SLC22A17: variants seen among roughly 807,000 people sequenced by gnomAD.
The protein encoded by SLC22A17 is solute carrier family 22 member 17.
In SLC22A17, 38 loss-of-function variants were observed where a neutral mutation model predicts 53.6. That is an observed-to-expected ratio of 0.71 (90% confidence interval 0.55 to 0.93). The LOEUF is 0.93. Among genes scored for constraint, SLC22A17 ranks in the 40% least tolerant of loss-of-function variants. The probability of loss-of-function intolerance (pLI) is 0.00; values close to 1 mark genes in which losing one functional copy is unlikely to be tolerated. For missense variants in SLC22A17, 704 were observed against 791.0 expected (o/e 0.89, Z 1.32); for synonymous variants, 379 against 353.0 (o/e 1.07, Z -0.82).
At position 23,349,615 on chromosome 14, in the gene SLC22A17, C is replaced by T. The variant is rs867726867; in HGVS notation, c.705-189G>A. ...GTGGGTGATGCCTGGCTACTGGGCA[C>T]TGGGGTGTGGTTGTGGTTCTTTAAG... On this transcript the variant is annotated intron_variant, in intron 3 of 9. Coordinates refer to ENST00000397267, the Ensembl canonical transcript of SLC22A17. 1.1e-5 allele frequency: 7 copies of T among 643,462 alleles called. No homozygotes were observed. In the South Asian group the frequency reaches 1.2e-4, roughly 11 times the overall value. 39.9% of individuals were successfully genotyped at this position (643,462 alleles called of 1,614,324 possible).
intron 3 of SLC22A17, chr14:23,351,106 T>G (rs1314274970): frequency 6.6e-6 from 1 of 152,082 alleles, no homozygotes; most frequent in East Asian, 1.9e-4. Flanking sequence ...TCTCTAGAGG[T>G]GAAGCTACCG....
In SLC22A17 at chr14:23,352,282, G is replaced by C. The variant is rs1763423382; in HGVS notation, c.266C>G (p.Ala89Gly). The change falls in exon 2 of 10, where the codon GCG becomes GGG. Residue 89 changes from alanine to glycine, a missense_variant. Physicochemically the swap from Ala to Gly is moderately conservative, Grantham distance 60 (BLOSUM62 0). This residue lies in a region of SLC22A17 where 31 missense variants were observed against 62.3 expected (regional missense o/e 0.50). Transcript: ENST00000397267. This position sits in a 1 kb window ranked among gnomAD's most constrained non-coding sequence, Gnocchi z 7.2. ...CTGCAGCTGCTGGCCGCCGCCCAGC[G>C]CCCCCACCTGGGCGAGCAGCGCCTC... 11 of 1,406,768 alleles carry C rather than the reference G, an allele frequency of 7.8e-6. No homozygotes were observed. Among genetic ancestry groups the C allele is most frequent in the Non-Finnish European group, 1.0e-5 (11 of 1,081,690 alleles). The allele number at this position is 1,406,768 out of a possible 1,614,324, so 87.1% of individuals were successfully genotyped here.
exon 10 of SLC22A17, chr14:23,346,654 G>T: frequency 6.7e-7 from 1 of 1,495,490 alleles, no homozygotes. Context: ...CCGCTCAGAG[G>T]GCAGGGTTGG....
chr14:23,346,963 G>T, intron 9 of SLC22A17, 27 bp from the exon 10 acceptor site: 1 of 1,517,536 alleles, frequency 6.6e-7, no homozygotes, highest in Non-Finnish European at 8.8e-7. Context: ...GAGGAGCTCA[G>T]CCCACAGCTG....
intron 3 of SLC22A17, among the ~76,000 whole-genome samples, chr14:23,350,618 A>G (rs910961769): frequency 6.6e-6 from 1 of 152,224 alleles, no homozygotes; most frequent in East Asian, 1.9e-4. Context: ...AGGGGCACCA[A>G]TCCCTGGGAG....
chr14:23,346,774 C>T (rs1179683224), exon 10 of SLC22A17: 13 of 1,543,634 alleles, frequency 8.4e-6, no homozygotes, highest in Non-Finnish European at 1.1e-5. Context: ...GGAGCTTGCG[C>T]TTGGTCTCCG....
Position 23,348,528 on chromosome 14 carries a change from A to C in SLC22A17, c.1003T>G (p.Cys335Gly). Residue 335 changes from cysteine (C) to glycine (G), a missense_variant, in exon 5 of 10, where the codon TGC becomes GGC. Coordinates refer to ENST00000397267, the Ensembl canonical transcript of SLC22A17. The surrounding 1 kb of genome is among the most constrained non-coding windows in gnomAD (Gnocchi z 4.5). ...GACCCATAAAACAGGAAGAGGATGC[A>C]GGGAGCGGTGATCATTCGCTGTAGG... 1 of 1,614,030 alleles carries C rather than the reference A, an allele frequency of 6.2e-7. No individual in the cohort carries two copies. Among genetic ancestry groups the C allele is most frequent in the Non-Finnish European group, 8.5e-7 (1 of 1,179,948 alleles).
At chr14:23,351,014 T>TACTGAC (rs1889591322) in intron 3 of SLC22A17, 1 of 152,208 alleles carries the variant, frequency 6.6e-6, no homozygotes, top group Non-Finnish European at 1.5e-5. Flanking sequence ...GAGCATCTGG[T>TACTGAC]CAGTGGTGAA....
chr14:23,350,072 G>C (rs187878691), intron 3 of SLC22A17, among the ~76,000 whole-genome samples: 1 of 152,264 alleles, frequency 6.6e-6, no homozygotes, highest in Admixed American at 6.5e-5. Flanking sequence ...TTGGGAGGCC[G>C]AGGCTGGCAG....
In SLC22A17 at chr14:23,348,707, G is replaced by T; in HGVS notation, c.860-36C>A. The stretch of plus-strand genomic sequence containing the variant: ...AGCAGGGGTGGAGAGAGGAGAGGGA[G>T]GCCAGGGAGGAAGAAGGCATAAGAG... On this transcript the variant is annotated intron_variant, in intron 4 of 9. Coordinates refer to ENST00000397267, the Ensembl canonical transcript of SLC22A17. The surrounding 1 kb of genome is among the most constrained non-coding windows in gnomAD (Gnocchi z 4.5). 1 of 1,568,804 alleles carries T rather than the reference G, an allele frequency of 6.4e-7. No homozygotes were observed. The highest frequency in any genetic ancestry group is 8.6e-7 in the Non-Finnish European group (1 of 1,159,130).
chr14:23,348,543 T>C lies in SLC22A17; in HGVS notation c.988A>G (p.Met330Val). Residue 330 changes from methionine to valine, a missense_variant, in exon 5 of 10, where the codon ATG becomes GTG. This residue lies in a region of SLC22A17 where 435 missense variants were observed against 529.0 expected (regional missense o/e 0.82). Transcript: ENST00000397267. The surrounding 1 kb of genome is among the most constrained non-coding windows in gnomAD (Gnocchi z 4.5). The stretch of plus-strand genomic sequence containing the variant: ...AAGAGGATGCAGGGAGCGGTGATCA[T>C]TCGCTGTAGGAATCGCCAATCCTTA... 6.2e-7 allele frequency: 1 copy of C among 1,614,020 alleles called. No homozygotes were observed. Among genetic ancestry groups the C allele is most frequent in the Non-Finnish European group, 8.5e-7 (1 of 1,179,978 alleles).
rs1334818885 is a variant in SLC22A17 at position 23,348,553 on chromosome 14, G to A, written c.978C>T (p.Phe326=). 1 of 1,613,976 alleles carries A rather than the reference G, an allele frequency of 6.2e-7. No individual in the cohort carries two copies. Among genetic ancestry groups the A allele is most frequent in the African/African-American group, 1.3e-5 (1 of 74,904 alleles). Residue 326 remains phenylalanine, a synonymous_variant, in exon 5 of 10, where the codon TTC becomes TTT. Coordinates refer to ENST00000397267, the Ensembl canonical transcript of SLC22A17. The surrounding 1 kb of genome is among the most constrained non-coding windows in gnomAD (Gnocchi z 4.5). The stretch of plus-strand genomic sequence containing the variant: ...AGGGAGCGGTGATCATTCGCTGTAG[G>A]AATCGCCAATCCTTAGAGACAAGGG...
At chr14:23,346,733 C>A in exon 10 of SLC22A17, 1 of 1,545,584 alleles carries the variant, frequency 6.5e-7, no homozygotes, top group Non-Finnish European at 8.7e-7. Context: ...AGGCCGGCGA[C>A]ACAGCTCCCC....
Position 23,346,718 on chromosome 14 carries a change from A to G in SLC22A17, c.1880T>C (p.Leu627Pro), listed in dbSNP as rs1889211393. ...GCGGGTAGGGGGTGGCTGCCGCAGC[A>G]GGGAAGGCCGGCGACACAGCTCCCC... is the stretch of plus-strand genomic sequence containing the variant. The change falls in exon 10 of 10, where the codon CTG (leucine) becomes CCG (proline). Residue 627 changes from leucine (L) to proline (P), a missense_variant. Coordinates refer to ENST00000397267, the Ensembl canonical transcript of SLC22A17. 3 of 1,545,796 alleles carry G rather than the reference A, an allele frequency of 1.9e-6. No individual in the cohort carries two copies. The highest frequency in any genetic ancestry group is 1.9e-5 in the Admixed American group (1 of 51,592).
Position 23,348,307 on chromosome 14 carries a change from C to G in SLC22A17, c.1026-1G>C. On this transcript the variant is annotated splice_acceptor_variant, in intron 5 of 9. Coordinates refer to ENST00000397267, the Ensembl canonical transcript of SLC22A17. LOFTEE classifies it high-confidence loss of function. This position sits in a 1 kb window ranked among gnomAD's most constrained non-coding sequence, Gnocchi z 4.5. ...GGACTCCAGGAACAAACCAGGCCAG[C>G]TGGGGGCAGGGGGGAAGGGGTATAC... 6.2e-7 allele frequency: 1 copy of G among 1,613,952 alleles called. No homozygotes were observed.
rs1566479322 is a variant in SLC22A17, at chr14:23,347,718, C to T, written c.1291G>A (p.Ala431Thr). 1 of 1,613,666 alleles carries T rather than the reference C, an allele frequency of 6.2e-7. No individual in the cohort carries two copies. Among genetic ancestry groups the T allele is most frequent in the Non-Finnish European group, 8.5e-7 (1 of 1,179,864 alleles). Residue 431 changes from alanine to threonine, a missense_variant, in exon 8 of 10, where the codon GCC (alanine) becomes ACC (threonine). Ala to Thr is a moderately conservative substitution (Grantham distance 58). This residue lies in a region of SLC22A17 where 435 missense variants were observed against 529.0 expected (regional missense o/e 0.82). Coordinates refer to ENST00000397267, the Ensembl canonical transcript of SLC22A17. The surrounding 1 kb of genome is among the most constrained non-coding windows in gnomAD (Gnocchi z 5.1). The stretch of plus-strand genomic sequence containing the variant: ...ACAGGCTGGTAGCAGTGGCGAATGG[C>T]ATGGGCAATGAAGCTGTGAGAAGGG...
chr14:23,349,007 T>C (rs1889438946), intron 4 of SLC22A17: 3 of 599,448 alleles, frequency 5.0e-6, no homozygotes, highest in African/African-American at 3.7e-5. Context: ...ACAATCCTTG[T>C]CCCTGGACTT....
chr14:23,349,620 G>T lies in SLC22A17; in HGVS notation c.705-194C>A, dbSNP rs890647558. 1.7e-5 allele frequency: 11 copies of T among 631,602 alleles called. No homozygotes were observed. The East Asian group carries it at 2.8e-4, about 16-fold the overall frequency. 39.1% of individuals were successfully genotyped at this position (631,602 alleles called of 1,614,324 possible). On this transcript the variant is annotated intron_variant, in intron 3 of 9. Transcript: ENST00000397267. Reference sequence around the variant, plus strand: ...TGATGCCTGGCTACTGGGCACTGGGGTGTGGTTGTGGTTCTTTAAGAGGTG... The same window carrying T: ...TGATGCCTGGCTACTGGGCACTGGGTTGTGGTTGTGGTTCTTTAAGAGGTG...
At position 23,347,741 on chromosome 14, in the gene SLC22A17, G is replaced by A. The variant is rs752099121; in HGVS notation, c.1278-10C>T. 2 of 1,612,754 alleles carry A rather than the reference G, an allele frequency of 1.2e-6. No individual in the cohort carries two copies. The highest frequency in any genetic ancestry group is 1.3e-5 in the African/African-American group (1 of 74,878). On this transcript the variant is annotated splice_polypyrimidine_tract_variant and intron_variant, in intron 7 of 9. Transcript: ENST00000397267. The surrounding 1 kb of genome is among the most constrained non-coding windows in gnomAD (Gnocchi z 5.1). ...GGCATGGGCAATGAAGCTGTGAGAA[G>A]GGGTGGGGAAGCAACGAACAGAGCC...
Sources: gnomAD v4.1 joint callset for allele counts (sites outside exome capture counted in the v4.1 genomes callset) on GRCh38, gnomAD v4.1.1 for gene constraint, gnomAD v4.1.1 regional missense constraint, Gnocchi (gnomAD v3.1) non-coding constraint, MANE v1.5 for transcripts, NCBI Gene and HGNC (gene_info 2026-07-23, HGNC 2026-07-21) for gene names.